Variants in CRTC3 observed in about 807,000 individuals in gnomAD.
CRTC3 encodes CREB regulated transcription coactivator 3.
Under a neutral mutation model 74.5 loss-of-function variants are expected in CRTC3, and 26 were observed. The observed-to-expected ratio is 0.35, with a 90% confidence interval of 0.26 to 0.48. CRTC3 has a LOEUF of 0.48. Ranked by LOEUF, CRTC3 falls within the 20% of genes least tolerant of loss-of-function variation. The probability of loss-of-function intolerance (pLI) is 0.99; values close to 1 mark genes in which losing one functional copy is unlikely to be tolerated. For missense variants in CRTC3, 760 were observed against 787.3 expected, an observed-to-expected ratio of 0.97 and a Z score of 0.41; for synonymous variants, 377 against 325.8, an observed-to-expected ratio of 1.16 and a Z score of -1.69.
chr15:90,638,689 T>TTGCTC, intron 12 of CRTC3, 43 bp downstream of exon 12: 3 of 1,612,640 alleles, frequency 1.9e-6, no homozygotes, highest in Non-Finnish European at 2.5e-6. Flanking sequence ...AATGCTTGTT[T>TTGCTC]TGCTCTGAGT....
At chr15:90,615,618 C>T (rs868071146) in intron 7 of CRTC3, among the ~76,000 whole-genome samples, 1 of 152,200 alleles carries the variant, frequency 6.6e-6, no homozygotes, top group Non-Finnish European at 1.5e-5. Context: ...GACTGCATTC[C>T]TTCAGTGCTT....
chr15:90,572,473 A>AT (rs1967294144), intron 2 of CRTC3, among the ~76,000 whole-genome samples: 1 of 152,134 alleles, frequency 6.6e-6, no homozygotes, highest in South Asian at 2.1e-4. Flanking sequence ...ATTAAGGTAG[A>AT]TATTACCGTA....
At chr15:90,566,700 CT>C (rs1967129963) in intron 2 of CRTC3, among the ~76,000 whole-genome samples, 1 of 137,600 alleles carries the variant, frequency 7.3e-6, no homozygotes, top group Non-Finnish European at 1.6e-5. Flanking sequence ...CACAGATTTT[CT>C]TTCCTCCTTT....
chr15:90,570,975 T>C (rs951725548), intron 2 of CRTC3, among the ~76,000 whole-genome samples: 3 of 152,116 alleles, frequency 2.0e-5, no homozygotes, highest in Non-Finnish European at 4.4e-5. Flanking sequence ...AACAAAAACA[T>C]TGGATGAAAA....
Position 90,607,567 on chromosome 15 carries a change from C to T in CRTC3, c.577+89C>T, listed in dbSNP as rs141981034. ...GAGAGAGAAGCTGAAGTGGTGTTTG[C>T]GCTTCCCGGTTCAGTGATCTTAGAG... On this transcript the variant is annotated intron_variant, in intron 6 of 14. Transcript: ENST00000268184. The T allele has an allele frequency of 9.3e-4, 744 of 796,054 alleles. 6 individuals carry two copies. The East Asian group carries it at 0.014, about 15-fold the overall frequency. 49.3% of individuals were successfully genotyped at this position (796,054 alleles called of 1,614,324 possible).
chr15:90,551,952 A>G (rs900905328), intron 2 of CRTC3, among the ~76,000 whole-genome samples: 1 of 15,910 alleles, frequency 6.3e-5, no homozygotes, highest in Non-Finnish European at 1.4e-4. Context: ...ACGCACACAC[A>G]CACACACACA....
intron 3 of CRTC3, chr15:90,598,312 C>A: frequency 1.5e-6 from 1 of 652,358 alleles, no homozygotes; most frequent in South Asian, 1.7e-5. Flanking sequence ...CAGGGCGGGT[C>A]TTGTTTTCAG....
chr15:90,566,143 C>T (rs1328270317), intron 2 of CRTC3, among the ~76,000 whole-genome samples: 2 of 152,156 alleles, frequency 1.3e-5, no homozygotes, highest in Non-Finnish European at 2.9e-5. Context: ...AAGCCAAAGG[C>T]TAATCTAGAG....
chr15:90,562,814 C>A (rs1430734013), intron 2 of CRTC3, among the ~76,000 whole-genome samples: 1 of 151,902 alleles, frequency 6.6e-6, no homozygotes, highest in African/African-American at 2.4e-5. Flanking sequence ...AGAGGGGGGT[C>A]AGTTGACACT....
intron 2 of CRTC3, among the ~76,000 whole-genome samples, chr15:90,588,944 A>G (rs1967732737): frequency 6.6e-6 from 1 of 152,172 alleles, no homozygotes; most frequent in African/African-American, 2.4e-5. Context: ...CACTTTTTAG[A>G]TAAGGAAGAT....
At chr15:90,608,536 AC>A (rs1968284922) in intron 6 of CRTC3, among the ~76,000 whole-genome samples, 1 of 152,042 alleles carries the variant, frequency 6.6e-6, no homozygotes, top group Non-Finnish European at 1.5e-5. Flanking sequence ...GCCATCCTTG[AC>A]CTTCCTTCCT....
chr15:90,638,332 C>A (rs1969313081), intron 11 of CRTC3, 114 bp from the exon 12 acceptor site: 2 of 846,652 alleles, frequency 2.4e-6, no homozygotes, highest in Non-Finnish European at 3.9e-6. Context: ...TTGCACAGAA[C>A]ACCGCGGTGA....
chr15:90,577,963 G>A (rs984581122), intron 2 of CRTC3, among the ~76,000 whole-genome samples: 1 of 152,166 alleles, frequency 6.6e-6, no homozygotes, highest in Non-Finnish European at 1.5e-5. Flanking sequence ...AGACTGGAGT[G>A]CAGTGGCACG....
chr15:90,558,991 A>T (rs1321688810), intron 2 of CRTC3, among the ~76,000 whole-genome samples: 2 of 151,938 alleles, frequency 1.3e-5, no homozygotes, highest in African/African-American at 4.8e-5. Context: ...GCCTCAAGTG[A>T]TCCGCCCGCC....
chr15:90,557,794 A>G (rs1394632075), intron 2 of CRTC3, among the ~76,000 whole-genome samples: 1 of 152,078 alleles, frequency 6.6e-6, no homozygotes, highest in Admixed American at 6.5e-5. Flanking sequence ...ATTTGGCCTC[A>G]AGTCACCATT....
rs188326913 is a variant in CRTC3, at chr15:90,622,829, C to T, written c.750-2947C>T. 9.9e-3 allele frequency among the ~76,000 whole-genome samples: 1,506 copies of T among 152,154 alleles called. 11 individuals carry two copies. The highest frequency in any genetic ancestry group is 0.016 in the Non-Finnish European group (1,074 of 67,992). ...TCGCACCACTGCACTCCAGCCTGGG[C>T]GACAGAGCAAGACTCTGTCTCAAAA... On this transcript the variant is annotated intron_variant, in intron 9 of 14. Transcript: ENST00000268184.
In CRTC3 at chr15:90,641,108, G is replaced by A. The variant is rs547617906; in HGVS notation, c.1560G>A (p.Val520=). 8 of 1,613,312 alleles carry A rather than the reference G, an allele frequency of 5.0e-6. No homozygotes were observed. In the Admixed American group the frequency reaches 1.2e-4, roughly 24 times the overall value. The change falls in exon 14 of 15, where the codon GTG becomes GTA. Residue 520 remains valine, a synonymous_variant. Coordinates refer to ENST00000268184, the MANE Select transcript of CRTC3 (RefSeq NM_022769.5). ...GPAFPQQVPL[V]QQGSRELQDS... ...TTCGATGCTTCCAGGTGCCTCTGGT[G>A]CAACAAGGTTCCCGAGAACTGCAGG... is the stretch of plus-strand genomic sequence containing the variant.
At position 90,615,837 on chromosome 15, in the gene CRTC3, T is replaced by C. The variant is rs182726694; in HGVS notation, c.613+1349T>C. Among the ~76,000 whole-genome samples the C allele has an allele frequency of 4.7e-4, 71 of 151,666 alleles. No individual in the cohort carries two copies. In the East Asian group the frequency reaches 9.3e-3, roughly 20 times the overall value. The stretch of plus-strand genomic sequence containing the variant: ...TTTGACAGTACCTTTCAGGGCAATT[T>C]TTATTTATTTTTATTTATTTTTATT... On this transcript the variant is annotated intron_variant, in intron 7 of 14. Transcript: ENST00000268184.
chr15:90,610,199 C>CT (rs1233797005), intron 6 of CRTC3, among the ~76,000 whole-genome samples: 3 of 152,216 alleles, frequency 2.0e-5, no homozygotes, highest in Non-Finnish European at 2.9e-5. Flanking sequence ...GATTTTAAAA[C>CT]TATCAACTGG....
Sources: gnomAD v4.1 joint callset for allele counts (sites outside exome capture counted in the v4.1 genomes callset) on GRCh38, gnomAD v4.1.1 for gene constraint, MANE v1.5 for transcripts, NCBI Gene and HGNC (gene_info 2026-07-23, HGNC 2026-07-21) for gene names.